The following JAKMIP1 variants were observed in gnomAD, a reference collection of about 807,000 sequenced individuals.
JAKMIP1 encodes janus kinase and microtubule interacting protein 1.
Under a neutral mutation model 113.0 loss-of-function variants are expected in JAKMIP1, and 33 were observed. The observed-to-expected ratio is 0.29, with a 90% CI of 0.22 to 0.39. The LOEUF (loss-of-function observed/expected upper bound fraction) is 0.39. JAKMIP1 is among the 10% of genes least tolerant of loss of function. The probability of loss-of-function intolerance (pLI) is 1.00; values close to 1 mark genes in which losing one functional copy is unlikely to be tolerated. For missense variants in JAKMIP1, 813 were observed against 1,080.5 expected, an observed-to-expected ratio of 0.75 and a Z score of 3.47; for synonymous variants, 480 against 459.9, an observed-to-expected ratio of 1.04 and a Z score of -0.56.
intron 16 of JAKMIP1, among the ~76,000 whole-genome samples, chr4:6,047,815 G>A (rs1715185607): frequency 6.6e-6 from 1 of 152,162 alleles, no homozygotes; most frequent in African/African-American, 2.4e-5. Context: ...GAAAGGAAAA[G>A]GTCTTTAGCC....
rs149394205 is a variant in JAKMIP1 at position 6,062,872 on chromosome 4, C to T, written c.1432-432G>A. On this transcript the variant is annotated intron_variant, in intron 9 of 20. Coordinates refer to ENST00000409021, the MANE Select transcript of JAKMIP1 (RefSeq NM_001099433.2). ...AATTTATCCTAAAGAGATGGCCGGG[C>T]ATGGTGGCTCACGCCTGTAATCCCA... Among the ~76,000 whole-genome samples the T allele has an allele frequency of 4.7e-3, 712 of 152,388 alleles. 4 individuals are homozygous for T. Among genetic ancestry groups the T allele is most frequent in the African/African-American group, 0.017 (687 of 41,602 alleles).
chr4:6,084,049 G>A (rs1720945070), intron 5 of JAKMIP1, among the ~76,000 whole-genome samples: 1 of 152,148 alleles, frequency 6.6e-6, no homozygotes, highest in South Asian at 2.1e-4. Context: ...CAGATGTGGT[G>A]GCTCTTGTGT....
chr4:6,096,758 A>G (rs1711852671), intron 3 of JAKMIP1, among the ~76,000 whole-genome samples: 1 of 152,194 alleles, frequency 6.6e-6, no homozygotes, highest in South Asian at 2.1e-4. Flanking sequence ...GGATTTTGGA[A>G]TATTTGCACA....
chr4:6,171,655 G>A (rs1332145775), intron 1 of JAKMIP1, among the ~76,000 whole-genome samples: 1 of 152,192 alleles, frequency 6.6e-6, no homozygotes, highest in Non-Finnish European at 1.5e-5. Flanking sequence ...TGATAGGTGT[G>A]GGAAGACAGA....
chr4:6,062,558 G>A (rs1717456342), intron 9 of JAKMIP1, 118 bp from the exon 10 acceptor site: 1 of 1,119,654 alleles, frequency 8.9e-7, no homozygotes, highest in Non-Finnish European at 1.3e-6. Flanking sequence ...GAGTGCCAGG[G>A]TCAACTTAGA....
rs577628351 is a variant in JAKMIP1, at chr4:6,154,162, G to A, written c.-147-41165C>T. 3.5e-4 allele frequency among the ~76,000 whole-genome samples: 53 copies of A among 152,372 alleles called. No homozygotes were observed. Among genetic ancestry groups the A allele is most frequent in the Non-Finnish European group, 6.8e-4 (46 of 68,044 alleles). On this transcript the variant is annotated intron_variant, in intron 1 of 20. Coordinates refer to ENST00000409021, the MANE Select transcript of JAKMIP1 (RefSeq NM_001099433.2). The surrounding 1 kb of genome is among the most constrained non-coding windows in gnomAD (Gnocchi z 4.2). ...TAAACCCTGCACTCAGGGAGACACT[G>A]ACCCTCGCAGGAGGGAAGACAGAGC...
chr4:6,079,867 G>A (rs1720251605), intron 7 of JAKMIP1, among the ~76,000 whole-genome samples: 1 of 152,162 alleles, frequency 6.6e-6, no homozygotes, highest in African/African-American at 2.4e-5. Flanking sequence ...GTCTCTAAAG[G>A]CCAAAAGACA....
At chr4:6,182,134 C>G (rs1726095668) in intron 1 of JAKMIP1, among the ~76,000 whole-genome samples, 1 of 152,010 alleles carries the variant, frequency 6.6e-6, no homozygotes, top group South Asian at 2.1e-4. Context: ...GACAGGAAAC[C>G]AGGCTCGGTG....
At position 6,107,516 on chromosome 4, in the gene JAKMIP1, G is replaced by A. The variant is rs115110001; in HGVS notation, c.130-1549C>T. 6.8e-3 allele frequency among the ~76,000 whole-genome samples: 1,030 copies of A among 152,222 alleles called. 8 individuals carry two copies. The highest frequency in any genetic ancestry group is 0.023 in the African/African-American group (961 of 41,524). ...CATCAGTAGACTCTGGGTGAAGCAC[G>A]GTGCCTTCCACAATGTAGGTGGGCC... On this transcript the variant is annotated intron_variant, in intron 2 of 20. Transcript: ENST00000409021.
At chr4:6,146,478 GA>G (rs1372400212) in intron 1 of JAKMIP1, among the ~76,000 whole-genome samples, 1 of 152,048 alleles carries the variant, frequency 6.6e-6, no homozygotes, top group Non-Finnish European at 1.5e-5. Flanking sequence ...ATTTTTTGTA[GA>G]GACAGGTTTT....
rs1343068891 is a variant in JAKMIP1 at position 6,138,222 on chromosome 4, C to G, written c.-147-25225G>C. On this transcript the variant is annotated intron_variant, in intron 1 of 20. Transcript: ENST00000409021. The surrounding 1 kb of genome is among the most constrained non-coding windows in gnomAD (Gnocchi z 6.0). Reference sequence around the variant, plus strand: ...AGATGAAAGCTGGGGTACCCCAGAACCCAAGTTAATTTAATTTTTATTTAT... The same window carrying G: ...AGATGAAAGCTGGGGTACCCCAGAAGCCAAGTTAATTTAATTTTTATTTAT... Among the ~76,000 whole-genome samples the G allele has an allele frequency of 6.6e-6, 1 of 152,088 alleles. No individual in the cohort carries two copies. The highest frequency in any genetic ancestry group is 6.5e-5 in the Admixed American group (1 of 15,272).
intron 1 of JAKMIP1, among the ~76,000 whole-genome samples, chr4:6,125,356 G>A (rs977339044): frequency 6.6e-6 from 1 of 151,978 alleles, no homozygotes; most frequent in African/African-American, 2.4e-5. Context: ...CGCAGACAGG[G>A]CCACACAGTC....
chr4:6,176,427 G>A lies in JAKMIP1; in HGVS notation c.-148+23826C>T, dbSNP rs940563838. ...TAGGACCTCCAGCCTAGCTGAACGG[G>A]ACCAAGGAAGGATTTCCGATGTTCA... is the stretch of plus-strand genomic sequence containing the variant. On this transcript the variant is annotated intron_variant, in intron 1 of 20. Coordinates refer to ENST00000409021, the MANE Select transcript of JAKMIP1 (RefSeq NM_001099433.2). The surrounding 1 kb of genome is among the most constrained non-coding windows in gnomAD (Gnocchi z 5.5). Among the ~76,000 whole-genome samples, 3 of 152,166 alleles carry A rather than the reference G, an allele frequency of 2.0e-5. No homozygotes were observed. Among genetic ancestry groups the A allele is most frequent in the Non-Finnish European group, 2.9e-5 (2 of 68,026 alleles).
chr4:6,125,995 A>G (rs541718814), intron 1 of JAKMIP1, among the ~76,000 whole-genome samples: 2 of 144,650 alleles, frequency 1.4e-5, no homozygotes, highest in East Asian at 4.3e-4. Context: ...ACACACACAC[A>G]CCATACAGAA....
chr4:6,136,939 T>G lies in JAKMIP1; in HGVS notation c.-147-23942A>C, dbSNP rs1012618759. Among the ~76,000 whole-genome samples the G allele has an allele frequency of 2.0e-5, 3 of 152,164 alleles. No individual in the cohort carries two copies. The highest frequency in any genetic ancestry group is 4.8e-5 in the African/African-American group (2 of 41,432). ...TGGGATTCCACTGACCATGCCATTG[T>G]ACAGATGAGGAAACTGAGGCTCAGG... On this transcript the variant is annotated intron_variant, in intron 1 of 20. Coordinates refer to ENST00000409021, the MANE Select transcript of JAKMIP1 (RefSeq NM_001099433.2). This position sits in a 1 kb window ranked among gnomAD's most constrained non-coding sequence, Gnocchi z 5.9.
At chr4:6,171,685 G>C (rs1337722403) in intron 1 of JAKMIP1, among the ~76,000 whole-genome samples, 1 of 152,216 alleles carries the variant, frequency 6.6e-6, no homozygotes, top group African/African-American at 2.4e-5. Context: ...TGTCTTGAAG[G>C]TTGGCGGTTC....
intron 12 of JAKMIP1, 34 bp downstream of exon 12, chr4:6,056,663 C>T (rs753612735): frequency 3.9e-5 from 61 of 1,578,328 alleles, no homozygotes; most frequent in African/African-American, 2.2e-4. Context: ...AACTGCCCTG[C>T]GGCTGTGTGC....
At position 6,140,492 on chromosome 4, in the gene JAKMIP1, C is replaced by G. The variant is rs961988865; in HGVS notation, c.-147-27495G>C. On this transcript the variant is annotated intron_variant, in intron 1 of 20. Coordinates refer to ENST00000409021, the MANE Select transcript of JAKMIP1 (RefSeq NM_001099433.2). The surrounding 1 kb of genome is among the most constrained non-coding windows in gnomAD (Gnocchi z 9.4). ...GGGGGTCAGTGATTCGTGGTCCCCC[C>G]GATCAGCTTAAGGCCCCTTCCAATA... Among the ~76,000 whole-genome samples, 1 of 152,074 alleles carries G rather than the reference C, an allele frequency of 6.6e-6. No homozygotes were observed. Among genetic ancestry groups the G allele is most frequent in the South Asian group, 2.1e-4 (1 of 4,830 alleles).
In JAKMIP1 at chr4:6,153,904, C is replaced by T. The variant is rs568810077; in HGVS notation, c.-147-40907G>A. Among the ~76,000 whole-genome samples the T allele has an allele frequency of 1.1e-4, 16 of 152,310 alleles. 2 individuals carry two copies. Among genetic ancestry groups the T allele is most frequent in the East Asian group, 9.6e-4 (5 of 5,194 alleles). The stretch of plus-strand genomic sequence containing the variant: ...TGGTGAGCACTCTCACTGAGAAATG[C>T]GGAACCAGCTACCCGCTCCCTGAGG... On this transcript the variant is annotated intron_variant, in intron 1 of 20. Coordinates refer to ENST00000409021, the MANE Select transcript of JAKMIP1 (RefSeq NM_001099433.2). This position sits in a 1 kb window ranked among gnomAD's most constrained non-coding sequence, Gnocchi z 4.9.
Sources: allele counts gnomAD v4.1 joint callset (sites outside exome capture counted in the v4.1 genomes callset), GRCh38; gene constraint gnomAD v4.1.1; non-coding constraint Gnocchi (gnomAD v3.1); transcripts MANE v1.5; gene names NCBI Gene and HGNC (gene_info 2026-07-23, HGNC 2026-07-21).